Variants in RIPOR1 observed in about 807,000 individuals in gnomAD.
RIPOR1 encodes rho family-interacting cell polarization regulator 1.
In RIPOR1, 58 loss-of-function variants were observed where a neutral mutation model predicts 116.5. The ratio of observed to expected loss-of-function variants is 0.50; its 90% confidence interval spans 0.40 to 0.62. The LOEUF (loss-of-function observed/expected upper bound fraction) is 0.62. Ranked by LOEUF, RIPOR1 falls within the 20% of genes least tolerant of loss-of-function variation. The pLI is 0.00. For missense variants in RIPOR1, 1,372 were observed against 1,586.2 expected (o/e 0.86, Z 2.29); for synonymous variants, 605 against 650.0 (o/e 0.93, Z 1.05).
chr16:67,539,724 G>T lies in RIPOR1; in HGVS notation c.337-4G>T, dbSNP rs762233731. On this transcript the variant is annotated splice_region_variant and splice_polypyrimidine_tract_variant and intron_variant, in intron 4 of 21. Transcript: ENST00000042381. ...ATATTTGCCCCTTCTCCCCACCCCT[G>T]CAGGGCTTCCTGTATGATCTGGACA... 1.9e-6 allele frequency: 3 copies of T among 1,613,962 alleles called. No individual in the cohort carries two copies. Among genetic ancestry groups the T allele is most frequent in the Non-Finnish European group, 2.5e-6 (3 of 1,179,984 alleles).
chr16:67,544,712 G>T lies in RIPOR1; in HGVS notation c.2751G>T (p.Gly917=). 1 of 1,613,238 alleles carries T rather than the reference G, an allele frequency of 6.2e-7. No homozygotes were observed. The highest frequency in any genetic ancestry group is 8.5e-7 in the Non-Finnish European group (1 of 1,179,968). ...SRLLLKLGTF[G]PLRCQEAWAL... ...TTCTCCAGAAACTGGGCACATTTGGGCCCCTGCGCTGCCAGGAGGCATGGG... is the reference window on the plus strand; with the variant it reads ...TTCTCCAGAAACTGGGCACATTTGGTCCCCTGCGCTGCCAGGAGGCATGGG... The change falls in exon 16 of 22, where the codon GGG becomes GGT. Residue 917 remains glycine (G), a synonymous_variant. Transcript: ENST00000042381. The surrounding 1 kb of genome is among the most constrained non-coding windows in gnomAD (Gnocchi z 5.1).
chr16:67,545,072 T>C lies in RIPOR1; in HGVS notation c.2986T>C (p.Tyr996His). ...ERVLLTFCNQ[Y>H]GARLSLRQPG... ...GGTGCTTCTCACCTTCTGCAACCAG[T>C]ATGGTGCCCGCCTCTCCCTGCGCCA... is the stretch of plus-strand genomic sequence containing the variant. The change falls in exon 17 of 22, where the codon TAT becomes CAT. Residue 996 changes from tyrosine to histidine, a missense_variant. Tyr to His is a moderately conservative substitution (Grantham distance 83, BLOSUM62 2). Transcript: ENST00000042381. The surrounding 1 kb of genome is among the most constrained non-coding windows in gnomAD (Gnocchi z 4.8). The C allele has an allele frequency of 1.2e-6, 2 of 1,612,774 alleles. No homozygotes were observed. The highest frequency in any genetic ancestry group is 1.7e-6 in the Non-Finnish European group (2 of 1,180,000).
At chr16:67,546,071 C>T (rs760192690) in intron 20 of RIPOR1, 39 bp downstream of exon 20, 75 of 1,606,722 alleles carry the variant, frequency 4.7e-5, no homozygotes, top group Middle Eastern at 3.3e-4. Context: ...TGTCCGCTTC[C>T]GGCACCCCCA....
At chr16:67,527,707 TC>T (rs1259984551), upstream of RIPOR1, among the ~76,000 whole-genome samples, 4 of 151,994 alleles carry the variant, frequency 2.6e-5, no homozygotes, top group Non-Finnish European at 4.4e-5. Context: ...AAACCCCATC[TC>T]TACCAAAAAT....
Position 67,544,312 on chromosome 16 carries a change from C to A in RIPOR1, c.2614C>A (p.Pro872Thr). Residue 872 changes from proline to threonine, a missense_variant, in exon 15 of 22, where the codon CCG becomes ACG. Physicochemically the swap from Pro to Thr is conservative, Grantham distance 38. Coordinates refer to ENST00000042381, the MANE Select transcript of RIPOR1 (RefSeq NM_024519.4). The surrounding 1 kb of genome is among the most constrained non-coding windows in gnomAD (Gnocchi z 5.1). ...TTTTTCCCTCAGGCCTCCAAGCAGC[C>A]CGGAGGCTGGGGCTGAGGACAGCAT... is the stretch of plus-strand genomic sequence containing the variant. Reference protein sequence around the residue: ...DVPGDRPPSSPEAGAEDSIDS... With the variant: ...DVPGDRPPSSTEAGAEDSIDS... 1 of 1,606,042 alleles carries A rather than the reference C, an allele frequency of 6.2e-7. No individual in the cohort carries two copies. The highest frequency in any genetic ancestry group is 2.2e-5 in the East Asian group (1 of 44,566).
Position 67,545,688 on chromosome 16 carries a change from C to A in RIPOR1, c.3215C>A (p.Ser1072Ter). 1 of 1,574,742 alleles carries A rather than the reference C, an allele frequency of 6.4e-7. No homozygotes were observed. The highest frequency in any genetic ancestry group is 8.6e-7 in the Non-Finnish European group (1 of 1,159,968). Residue 1072 changes from serine (S) to a stop codon, truncating the protein, a stop_gained, in exon 19 of 22, where the codon TCG becomes TAG. Transcript: ENST00000042381. LOFTEE classifies it high-confidence loss of function. This position sits in a 1 kb window ranked among gnomAD's most constrained non-coding sequence, Gnocchi z 4.8. ...EEVLLVRNLNSDDQAVVLKAL... is the reference protein window; with the variant it reads ...EEVLLVRNLN ...GTGCTACTGGTGCGGAATCTGAACT[C>A]GGATGATCAGGCTGTTGTGCTGAAG...
In RIPOR1 at chr16:67,542,463, C is replaced by A; in HGVS notation, c.1677C>A (p.Thr559=). ...CTACCTATAGTGCCATTACCACTACCCACAGTGCTCCAAGCCCCCTCACTC... is the reference window on the plus strand; with the variant it reads ...CTACCTATAGTGCCATTACCACTACACACAGTGCTCCAAGCCCCCTCACTC... The part of the protein sequence containing the change: ...TGSTYSAITT[T]HSAPSPLTHT... Residue 559 remains threonine (T), a synonymous_variant, in exon 13 of 22, where the codon ACC becomes ACA. Coordinates refer to ENST00000042381, the MANE Select transcript of RIPOR1 (RefSeq NM_024519.4). The surrounding 1 kb of genome is among the most constrained non-coding windows in gnomAD (Gnocchi z 4.6). 1 of 1,613,916 alleles carries A rather than the reference C, an allele frequency of 6.2e-7. No homozygotes were observed. Among genetic ancestry groups the A allele is most frequent in the Non-Finnish European group, 8.5e-7 (1 of 1,179,954 alleles).
intron 3 of RIPOR1, 45 bp downstream of exon 3, chr16:67,538,869 C>A: frequency 6.2e-7 from 1 of 1,610,850 alleles, no homozygotes. Flanking sequence ...GATCCCTCCC[C>A]AAGCCCGCAT....
Position 67,540,032 on chromosome 16 carries a change from T to A in RIPOR1, c.415-21T>A, listed in dbSNP as rs376422701. The stretch of plus-strand genomic sequence containing the variant: ...GAGGTGAGTCTCAGTCCCCCTACTG[T>A]CACCCCACTCACCTTCCCAGATCGA... On this transcript the variant is annotated intron_variant, in intron 6 of 21. Coordinates refer to ENST00000042381, the MANE Select transcript of RIPOR1 (RefSeq NM_024519.4). The surrounding 1 kb of genome is among the most constrained non-coding windows in gnomAD (Gnocchi z 4.7). The A allele has an allele frequency of 1.9e-5, 31 of 1,613,884 alleles. No homozygotes were observed. The highest frequency in any genetic ancestry group is 8.3e-5 in the Admixed American group (5 of 59,994).
chr16:67,532,290 G>A (rs2050681792), intron 1 of RIPOR1, among the ~76,000 whole-genome samples: 1 of 152,108 alleles, frequency 6.6e-6, no homozygotes, highest in Admixed American at 6.6e-5. Context: ...TGTGGTTCCA[G>A]CTACTTAAGA....
At position 67,529,556 on chromosome 16, in the gene RIPOR1, A is replaced by T. The variant is rs991433379; in HGVS notation, c.-24+642A>T. ...CAGCCGGGCCTGGGCTCTCTGCAGA[A>T]CTGGTTTGGGCAAGGGGCTGCTCAC... On this transcript the variant is annotated intron_variant, in intron 1 of 21. Transcript: ENST00000042381. This position sits in a 1 kb window ranked among gnomAD's most constrained non-coding sequence, Gnocchi z 4.1. The T allele has an allele frequency of 5.1e-5, 27 of 528,652 alleles. 1 individual carries two copies. In the East Asian group the frequency reaches 8.5e-4, roughly 17 times the overall value. 32.7% of individuals were successfully genotyped at this position (528,652 alleles called of 1,614,324 possible).
chr16:67,534,949 C>T (rs972289142), intron 1 of RIPOR1, among the ~76,000 whole-genome samples: 21 of 148,188 alleles, frequency 1.4e-4, no homozygotes, highest in Non-Finnish European at 2.5e-4. Context: ...TTCAAGCGAT[C>T]CTCCTGCCTC....
rs1179991572 is a variant in RIPOR1, at chr16:67,541,734, T to C, written c.1032T>C (p.Tyr344=). ...ASTVTKRFST[Y]SQSPPDTPSL... is the part of the protein sequence containing the mutation. The stretch of plus-strand genomic sequence containing the variant: ...CAGTCACCAAGCGCTTCTCCACCTA[T>C]AGCCAGAGCCCACCGGACACACCCT... The change falls in exon 12 of 22, where the codon TAT becomes TAC. Residue 344 remains tyrosine, a synonymous_variant. Coordinates refer to ENST00000042381, the MANE Select transcript of RIPOR1 (RefSeq NM_024519.4). This position sits in a 1 kb window ranked among gnomAD's most constrained non-coding sequence, Gnocchi z 4.6. 2.5e-6 allele frequency: 4 copies of C among 1,613,874 alleles called. No individual in the cohort carries two copies. In the African/African-American group the frequency reaches 5.3e-5, roughly 22 times the overall value.
At chr16:67,533,255 C>T (rs75648422) in intron 1 of RIPOR1, among the ~76,000 whole-genome samples, 6,241 of 152,170 alleles carry the variant, frequency 0.041, 132 homozygotes, top group Middle Eastern at 0.054. Flanking sequence ...ACTATGACAG[C>T]GCACGCTGCA....
chr16:67,521,288 G>A (rs1567557396), intron 1 of RIPOR1, among the ~76,000 whole-genome samples: 1 of 152,204 alleles, frequency 6.6e-6, no homozygotes, highest in Non-Finnish European at 1.5e-5. Context: ...CTTAGGAGCA[G>A]AGTCGGGTTC....
chr16:67,545,780 G>C lies in RIPOR1; in HGVS notation c.3307G>C (p.Val1103Leu). The C allele has an allele frequency of 6.2e-7, 1 of 1,612,854 alleles. No individual in the cohort carries two copies. Among genetic ancestry groups the C allele is most frequent in the Admixed American group, 1.7e-5 (1 of 59,862 alleles). ...GCTGCGGGCCCTCAGCTCCCTGCTCGTCCATGGCAACAACAAGGTCATGGC... is the reference window on the plus strand; with the variant it reads ...GCTGCGGGCCCTCAGCTCCCTGCTCCTCCATGGCAACAACAAGGTCATGGC... ...DGLRALSSLL[V>L]HGNNKVMAAV... Residue 1103 changes from valine (V) to leucine (L), a missense_variant, in exon 19 of 22, where the codon GTC (valine) becomes CTC (leucine). Physicochemically the swap from Val to Leu is conservative, Grantham distance 32. Around this residue, in one of 3 missense-constraint regions of RIPOR1, gnomAD observed 1,005 missense variants for 1,144.7 expected, o/e 0.88. Coordinates refer to ENST00000042381, the MANE Select transcript of RIPOR1 (RefSeq NM_024519.4). This position sits in a 1 kb window ranked among gnomAD's most constrained non-coding sequence, Gnocchi z 4.8.
At chr16:67,539,561 AGCATCCAC>A in intron 4 of RIPOR1, 159 bp from the exon 5 acceptor site, 1 of 823,220 alleles carries the variant, frequency 1.2e-6, no homozygotes, top group South Asian at 1.5e-5. Flanking sequence ...CTGTGCTACC[AGCATCCAC>A]CAAGGGCTAG....
upstream of RIPOR1, among the ~76,000 whole-genome samples, chr16:67,526,511 T>C (rs1024223653): frequency 5.3e-5 from 8 of 152,138 alleles, no homozygotes; most frequent in African/African-American, 1.9e-4. Flanking sequence ...ACTGGGCAGC[T>C]AAAGGAAGGT....
At chr16:67,522,191 ATTTTTT>A (rs34835336) in intron 1 of RIPOR1, among the ~76,000 whole-genome samples, 2 of 71,340 alleles carry the variant, frequency 2.8e-5, no homozygotes, top group South Asian at 4.8e-4. Context: ...CCACGCCCAG[ATTTTTT>A]TTTTTTTTTT....
Sources: allele counts gnomAD v4.1 joint callset (sites outside exome capture counted in the v4.1 genomes callset), GRCh38; gene constraint gnomAD v4.1.1; regional missense constraint gnomAD v4.1.1; non-coding constraint Gnocchi (gnomAD v3.1); transcripts MANE v1.5; gene names NCBI Gene and HGNC (gene_info 2026-07-23, HGNC 2026-07-21).